BORCS5: variants seen among roughly 807,000 people sequenced by gnomAD.
BORCS5 encodes the protein BLOC-1 related complex subunit 5.
In BORCS5, 17 loss-of-function variants were observed where a neutral mutation model predicts 22.1. The observed-to-expected ratio is 0.77, with a 90% confidence interval of 0.53 to 1.15. The LOEUF is 1.15. Among genes scored for constraint, BORCS5 ranks in the 50% most tolerant of loss-of-function variants. The pLI is 0.00. For missense variants in BORCS5, 247 were observed against 253.2 expected, an observed-to-expected ratio of 0.98 and a Z score of 0.17; for synonymous variants, 117 against 99.8, an observed-to-expected ratio of 1.17 and a Z score of -1.03.
chr12:12,359,755 G>A (rs929527127), intron 1 of BORCS5, among the ~76,000 whole-genome samples: 1 of 151,852 alleles, frequency 6.6e-6, no homozygotes, highest in Non-Finnish European at 1.5e-5. Flanking sequence ...TTTTTTCCTG[G>A]ACTTACTAAA....
intron 2 of BORCS5, among the ~76,000 whole-genome samples, chr12:12,404,210 A>G (rs777773296): frequency 3.9e-5 from 6 of 152,228 alleles, no homozygotes; most frequent in Non-Finnish European, 5.9e-5. Context: ...AATGAAATGG[A>G]GGAACTAGGC....
At chr12:12,444,412 C>G (rs555761909) in intron 3 of BORCS5, among the ~76,000 whole-genome samples, 1 of 152,288 alleles carries the variant, frequency 6.6e-6, no homozygotes, top group East Asian at 1.9e-4. Context: ...CCAAAGACCA[C>G]CTTGCTGATA....
chr12:12,434,026 G>C (rs1300018056), intron 2 of BORCS5, among the ~76,000 whole-genome samples: 1 of 152,048 alleles, frequency 6.6e-6, no homozygotes. Flanking sequence ...CCCAAGATGA[G>C]CTTTGGCCAG....
At chr12:12,414,113 C>G (rs1246369487) in intron 2 of BORCS5, among the ~76,000 whole-genome samples, 4 of 76,530 alleles carry the variant, frequency 5.2e-5, no homozygotes, top group Admixed American at 1.1e-4. Context: ...GGGGGGCTGA[C>G]CCCCCCCACC....
chr12:12,457,302 C>G (rs185568099), intron 3 of BORCS5, among the ~76,000 whole-genome samples: 163 of 152,308 alleles, frequency 1.1e-3, no homozygotes, highest in African/African-American at 3.7e-3. Context: ...TCTGCAGAAG[C>G]AAGATTTTGA....
At chr12:12,405,748 A>G (rs753205646) in intron 2 of BORCS5, among the ~76,000 whole-genome samples, 1 of 152,246 alleles carries the variant, frequency 6.6e-6, no homozygotes, top group Non-Finnish European at 1.5e-5. Context: ...TTTAACATGT[A>G]TTATCAATTA....
chr12:12,434,916 T>C (rs1942521998), intron 2 of BORCS5, among the ~76,000 whole-genome samples: 1 of 152,210 alleles, frequency 6.6e-6, no homozygotes, highest in African/African-American at 2.4e-5. Flanking sequence ...GGGCTTTGCT[T>C]TGTGAATGTG....
intron 2 of BORCS5, among the ~76,000 whole-genome samples, chr12:12,370,135 C>T (rs903450698): frequency 2.0e-5 from 3 of 148,488 alleles, no homozygotes; most frequent in Non-Finnish European, 3.0e-5. Context: ...CACACACACA[C>T]GTTTTTGTTT....
intron 3 of BORCS5, among the ~76,000 whole-genome samples, chr12:12,457,487 G>A (rs899851197): frequency 6.6e-6 from 1 of 152,220 alleles, no homozygotes; most frequent in African/African-American, 2.4e-5. Flanking sequence ...GGCTAACACG[G>A]TGAAACCCCA....
At chr12:12,442,831 G>A (rs535529207) in intron 3 of BORCS5, among the ~76,000 whole-genome samples, 6 of 152,282 alleles carry the variant, frequency 3.9e-5, no homozygotes, top group Non-Finnish European at 7.4e-5. Flanking sequence ...TTGAAGGAAT[G>A]CACGAGAGTT....
chr12:12,419,640 G>T (rs1592109369), intron 2 of BORCS5, among the ~76,000 whole-genome samples: 1 of 152,214 alleles, frequency 6.6e-6, no homozygotes. Context: ...ACAATGGTTG[G>T]ACTAAATTAC....
At chr12:12,405,688 T>A (rs548227889) in intron 2 of BORCS5, among the ~76,000 whole-genome samples, 1 of 152,308 alleles carries the variant, frequency 6.6e-6, no homozygotes, top group Non-Finnish European at 1.5e-5. Flanking sequence ...TGGCATGTAG[T>A]TAAATTTTAG....
chr12:12,418,250 G>A lies in BORCS5; in HGVS notation c.203-17378G>A, dbSNP rs1330053095. Among the ~76,000 whole-genome samples, 3 of 150,516 alleles carry A rather than the reference G, an allele frequency of 2.0e-5. No individual in the cohort carries two copies. The East Asian group carries it at 5.9e-4, about 29-fold the overall frequency. On this transcript the variant is annotated intron_variant, in intron 2 of 3. Coordinates refer to ENST00000314565, the MANE Select transcript of BORCS5 (RefSeq NM_058169.6). ...GAGATGGGGTTTCACTGTGTTGCCAGGATGGTCTCAATCTCCTGACCTCGT... is the reference window on the plus strand; with the variant it reads ...GAGATGGGGTTTCACTGTGTTGCCAAGATGGTCTCAATCTCCTGACCTCGT...
At chr12:12,402,046 A>G (rs989098443) in intron 2 of BORCS5, among the ~76,000 whole-genome samples, 2 of 148,840 alleles carry the variant, frequency 1.3e-5, no homozygotes, top group Admixed American at 6.7e-5. Context: ...AGCCTGGGCT[A>G]CAGAGCGAGA....
chr12:12,421,846 T>C (rs1329805580), intron 2 of BORCS5, among the ~76,000 whole-genome samples: 1 of 152,228 alleles, frequency 6.6e-6, no homozygotes, highest in African/African-American at 2.4e-5. Flanking sequence ...TGTAGAAGTG[T>C]TTATAGTGTT....
chr12:12,370,011 C>T (rs1465157541), intron 2 of BORCS5, among the ~76,000 whole-genome samples: 2 of 151,726 alleles, frequency 1.3e-5, no homozygotes, highest in East Asian at 1.9e-4. Context: ...AGGCATGAGC[C>T]ACCACGCCCG....
At chr12:12,443,763 A>G (rs1248365029) in intron 3 of BORCS5, among the ~76,000 whole-genome samples, 1 of 152,084 alleles carries the variant, frequency 6.6e-6, no homozygotes, top group Non-Finnish European at 1.5e-5. Flanking sequence ...CAGCAGCCCC[A>G]TTTCCCCCCA....
chr12:12,435,842 C>T (rs1231518668), intron 3 of BORCS5, 57 bp downstream of exon 3: 1 of 1,534,142 alleles, frequency 6.5e-7, no homozygotes, highest in Non-Finnish European at 8.9e-7. Flanking sequence ...CTCTGCAACT[C>T]TGGATGCCAT....
At chr12:12,397,559 A>G (rs1000914525) in intron 2 of BORCS5, among the ~76,000 whole-genome samples, 5 of 152,208 alleles carry the variant, frequency 3.3e-5, no homozygotes, top group African/African-American at 1.2e-4. Flanking sequence ...TTAACAGAGG[A>G]GTGGAATGGA....
Sources: allele counts gnomAD v4.1 joint callset (sites outside exome capture counted in the v4.1 genomes callset), GRCh38; gene constraint gnomAD v4.1.1; transcripts MANE v1.5; gene names NCBI Gene and HGNC (gene_info 2026-07-23, HGNC 2026-07-21).